The following GPATCH2L variants were observed in gnomAD, a reference collection of about 807,000 sequenced individuals.
GPATCH2L encodes G patch domain-containing protein 2-like.
In GPATCH2L, 31 loss-of-function variants were observed where a neutral mutation model predicts 57.4. The ratio of observed to expected loss-of-function variants is 0.54; its 90% CI spans 0.41 to 0.73. GPATCH2L has a LOEUF of 0.73. Among genes scored for constraint, GPATCH2L ranks in the 30% least tolerant of loss-of-function variants. The pLI is 0.00. For synonymous variants in GPATCH2L, 199 were observed against 210.7 expected (o/e 0.94, Z 0.48); for missense variants, 481 against 599.9 (o/e 0.80, Z 2.07).
chr14:76,176,087 T>C (rs1257852499), intron 5 of GPATCH2L: 1 of 152,264 alleles, frequency 6.6e-6, no homozygotes, highest in African/African-American at 2.4e-5. Context: ...CATGAGATGA[T>C]GTTTGAGGGA....
downstream of GPATCH2L, among the ~76,000 whole-genome samples, chr14:76,214,522 G>A (rs2139853667): frequency 6.6e-6 from 1 of 152,304 alleles, no homozygotes; most frequent in Admixed American, 6.5e-5. Context: ...GGTGCTGGCT[G>A]ATTCAATGTC....
intron 3 of GPATCH2L, among the ~76,000 whole-genome samples, chr14:76,169,779 G>A (rs2039003865): frequency 1.3e-5 from 2 of 152,152 alleles, no homozygotes; most frequent in African/African-American, 2.4e-5. Context: ...TTATGAATAA[G>A]AAAAGAATTA....
Position 76,205,881 on chromosome 14 carries a change from G to GT in GPATCH2L, c.*4035dup, listed in dbSNP as rs1189311954. ...ATTACTGTGATTCTGAGCCACACAGGTTTTTCCCCCTGGGGAGAAGACTAT... is the reference window on the plus strand; with the variant it reads ...ATTACTGTGATTCTGAGCCACACAGGTTTTTTCCCCCTGGGGAGAAGACTAT... On this transcript the variant is annotated 3_prime_UTR_variant, in exon 10 of 10. Coordinates refer to ENST00000261530, the MANE Select transcript of GPATCH2L (RefSeq NM_017926.4). The GT allele has an allele frequency of 3.9e-5, 6 of 152,340 alleles. No homozygotes were observed. The highest frequency in any genetic ancestry group is 1.4e-4 in the African/African-American group (6 of 41,456). The allele number at this position is 152,340 out of a possible 1,614,324, so 9.4% of individuals were successfully genotyped here. A position where few individuals can be genotyped will look rare whatever the true frequency, so the allele number is the denominator to read the frequency against.
At chr14:76,181,223 T>G (rs2039549006) in intron 8 of GPATCH2L, among the ~76,000 whole-genome samples, 1 of 152,236 alleles carries the variant, frequency 6.6e-6, no homozygotes, top group Non-Finnish European at 1.5e-5. Context: ...TTTCTCCCTC[T>G]GTGGGAGAGA....
chr14:76,152,686 C>T, intron 1 of GPATCH2L: 1 of 456,096 alleles, frequency 2.2e-6, no homozygotes, highest in South Asian at 1.5e-5. Flanking sequence ...GGCTTTGAGG[C>T]AGGAAAGGAT....
chr14:76,178,153 G>A, intron 7 of GPATCH2L, 111 bp downstream of exon 7: 2 of 1,277,486 alleles, frequency 1.6e-6, no homozygotes, highest in African/African-American at 1.4e-5. Flanking sequence ...AGGTTCAACT[G>A]TGATCATTAG....
At chr14:76,153,057 C>T (rs1325152910) in intron 1 of GPATCH2L, 4 of 287,934 alleles carry the variant, frequency 1.4e-5, no homozygotes, top group African/African-American at 4.5e-5. Flanking sequence ...TGAGAAGCTT[C>T]GTTTGTATGG....
At chr14:76,171,417 A>T (rs967867386) in intron 3 of GPATCH2L, among the ~76,000 whole-genome samples, 1 of 152,200 alleles carries the variant, frequency 6.6e-6, no homozygotes, top group Admixed American at 6.5e-5. Context: ...TCTACTAAAA[A>T]AATACAAAAA....
downstream of GPATCH2L, among the ~76,000 whole-genome samples, chr14:76,217,490 G>A (rs1165401901): frequency 6.6e-6 from 1 of 151,894 alleles, no homozygotes; most frequent in Non-Finnish European, 1.5e-5. Context: ...ACATGGCAAA[G>A]GATGGGGATA....
At chr14:76,201,382 A>G (rs985022187) in intron 9 of GPATCH2L, among the ~76,000 whole-genome samples, 1 of 152,200 alleles carries the variant, frequency 6.6e-6, no homozygotes, top group Non-Finnish European at 1.5e-5. Context: ...GATCATGAGT[A>G]TTCATTGTTT....
intron 9 of GPATCH2L, among the ~76,000 whole-genome samples, chr14:76,200,107 T>TAGAAGTTG (rs1237341814): frequency 6.6e-6 from 1 of 152,202 alleles, no homozygotes; most frequent in African/African-American, 2.4e-5. Context: ...TTTTATAAGC[T>TAGAAGTTG]ACTAGAATAG....
Position 76,159,934 on chromosome 14 carries a change from C to T in GPATCH2L, c.662+4909C>T, listed in dbSNP as rs577998844. Among the ~76,000 whole-genome samples, 429 of 152,172 alleles carry T rather than the reference C, an allele frequency of 2.8e-3. 1 individual carries two copies. The highest frequency in any genetic ancestry group is 9.8e-3 in the African/African-American group (409 of 41,524). On this transcript the variant is annotated intron_variant, in intron 2 of 9. Transcript: ENST00000261530. The stretch of plus-strand genomic sequence containing the variant: ...GATCACAAGGTTAGGAGATCGAGAC[C>T]ATCCTGGCTAACATGGTGAAACCCC...
rs561950096 is a variant in GPATCH2L, at chr14:76,165,881, A to T, written c.663-782A>T. On this transcript the variant is annotated intron_variant, in intron 2 of 9. Coordinates refer to ENST00000261530, the MANE Select transcript of GPATCH2L (RefSeq NM_017926.4). The stretch of plus-strand genomic sequence containing the variant: ...CATCTTCTAGAGTAGGTGAAAAAAA[A>T]ATTTTTGACTCTCTTGGAAGGAAAT... 2.4e-4 allele frequency among the ~76,000 whole-genome samples: 36 copies of T among 152,304 alleles called. 1 individual carries two copies. The highest frequency in any genetic ancestry group is 7.9e-4 in the African/African-American group (33 of 41,562).
chr14:76,199,243 T>C (rs1419993387), intron 9 of GPATCH2L, among the ~76,000 whole-genome samples: 1 of 152,190 alleles, frequency 6.6e-6, no homozygotes, highest in Admixed American at 6.6e-5. Context: ...TCCTCAGAGG[T>C]AAAAGTTATT....
rs955624414 is a variant in GPATCH2L, at chr14:76,211,253, G to C, written c.*9402G>C. Reference sequence around the variant, plus strand: ...GGGTCCTGTGTATACTGGCTTACTTGTTGAGTTGGAGAACTATTGCCGTAT... The same window carrying C: ...GGGTCCTGTGTATACTGGCTTACTTCTTGAGTTGGAGAACTATTGCCGTAT... On this transcript the variant is annotated 3_prime_UTR_variant, in exon 10 of 10. Coordinates refer to ENST00000261530, the MANE Select transcript of GPATCH2L (RefSeq NM_017926.4). 6.6e-6 allele frequency: 1 copy of C among 152,182 alleles called. No individual in the cohort carries two copies. Among genetic ancestry groups the C allele is most frequent in the Non-Finnish European group, 1.5e-5 (1 of 68,032 alleles). 9.4% of individuals were successfully genotyped at this position (152,182 alleles called of 1,614,324 possible). A position where few individuals can be genotyped will look rare whatever the true frequency, so the allele number is the denominator to read the frequency against.
rs2039425194 is a variant in GPATCH2L, at chr14:76,178,405, A to G, written c.1107+363A>G. On this transcript the variant is annotated intron_variant, in intron 7 of 9. Transcript: ENST00000261530. ...ATGTCACCAGGAACCATTTTTGTAG[A>G]AGACAGTTTTTCCATGGACCCGGGT... The G allele has an allele frequency of 9.4e-6, 4 of 423,608 alleles. No individual in the cohort carries two copies. The South Asian group carries it at 1.1e-4, about 12-fold the overall frequency. 26.2% of individuals were successfully genotyped at this position (423,608 alleles called of 1,614,324 possible). A position where few individuals can be genotyped will look rare whatever the true frequency, so the allele number is the denominator to read the frequency against.
At chr14:76,167,256 G>T (rs2038886014) in intron 3 of GPATCH2L, among the ~76,000 whole-genome samples, 1 of 152,084 alleles carries the variant, frequency 6.6e-6, no homozygotes, top group Non-Finnish European at 1.5e-5. Context: ...TTAATTACCA[G>T]TTCTTTATTT....
chr14:76,152,663 T>A, intron 1 of GPATCH2L: 1 of 456,116 alleles, frequency 2.2e-6, no homozygotes, highest in Non-Finnish European at 4.4e-6. Context: ...TTGTCACTAC[T>A]GTTGGAATTA....
chr14:76,164,069 G>T (rs1297121217), intron 2 of GPATCH2L, among the ~76,000 whole-genome samples: 5 of 152,228 alleles, frequency 3.3e-5, no homozygotes, highest in Non-Finnish European at 7.4e-5. Flanking sequence ...GATTGTTTCT[G>T]GATCTGGAGG....
Sources: gnomAD v4.1 joint callset for allele counts (sites outside exome capture counted in the v4.1 genomes callset) on GRCh38, gnomAD v4.1.1 for gene constraint, MANE v1.5 for transcripts, NCBI Gene and HGNC (gene_info 2026-07-23, HGNC 2026-07-21) for gene names.